Variants in SPAG16 observed in about 807,000 individuals in gnomAD.
SPAG16 encodes sperm-associated antigen 16 protein.
In SPAG16, 86 loss-of-function variants were observed where a neutral mutation model predicts 80.4. That is an observed-to-expected ratio of 1.07 (90% CI 0.90 to 1.28). SPAG16 has a LOEUF of 1.28. SPAG16 is among the 50% of genes most tolerant of loss of function. The pLI is 0.00. For synonymous variants in SPAG16, 294 were observed against 265.9 expected (o/e 1.11, Z -1.03); for missense variants, 870 against 765.3 (o/e 1.14, Z -1.61).
intron 10 of SPAG16, among the ~76,000 whole-genome samples, chr2:213,843,662 C>A (rs1396838010): frequency 6.6e-6 from 1 of 152,082 alleles, no homozygotes; most frequent in Non-Finnish European, 1.5e-5. Context: ...ACTGGCCTTG[C>A]CAACATGGTG....
chr2:214,232,171 A>C (rs904287027), intron 15 of SPAG16, among the ~76,000 whole-genome samples: 2 of 152,000 alleles, frequency 1.3e-5, no homozygotes, highest in East Asian at 3.9e-4. Context: ...ATAGTTAAGG[A>C]AGAAGTTGTA....
At chr2:213,686,463 T>C (rs1353043628) in intron 10 of SPAG16, among the ~76,000 whole-genome samples, 1 of 152,132 alleles carries the variant, frequency 6.6e-6, no homozygotes, top group Non-Finnish European at 1.5e-5. Context: ...TTTTCTTATA[T>C]TGTCATCCCA....
chr2:213,521,535 T>A (rs1468122983), intron 10 of SPAG16, among the ~76,000 whole-genome samples: 1 of 152,170 alleles, frequency 6.6e-6, no homozygotes, highest in East Asian at 1.9e-4. Context: ...TGGTTCATGT[T>A]TTTTCTTGTG....
chr2:213,822,737 C>T (rs1470761071), intron 10 of SPAG16, among the ~76,000 whole-genome samples: 1 of 152,110 alleles, frequency 6.6e-6, no homozygotes, highest in Non-Finnish European at 1.5e-5. Context: ...CAACCCCCAG[C>T]CCCCAACAGG....
At chr2:213,849,278 C>T (rs1559519535) in intron 10 of SPAG16, among the ~76,000 whole-genome samples, 1 of 152,070 alleles carries the variant, frequency 6.6e-6, no homozygotes, top group Non-Finnish European at 1.5e-5. Flanking sequence ...TAACACATCA[C>T]CGTGAGAATG....
chr2:214,355,270 C>T (rs1698699683), intron 15 of SPAG16, among the ~76,000 whole-genome samples: 1 of 137,544 alleles, frequency 7.3e-6, no homozygotes, highest in Non-Finnish European at 1.6e-5. Context: ...GCAACCTACT[C>T]ATCTGACAAA....
intron 15 of SPAG16, among the ~76,000 whole-genome samples, chr2:214,259,336 T>C (rs763711184): frequency 4.2e-4 from 63 of 150,992 alleles, no homozygotes; most frequent in Non-Finnish European, 1.0e-4. Flanking sequence ...AGCCAGATAT[T>C]TGGGCAGAAA....
intron 15 of SPAG16, among the ~76,000 whole-genome samples, chr2:214,249,807 A>T (rs1373979159): frequency 6.6e-6 from 1 of 152,166 alleles, no homozygotes; most frequent in African/African-American, 2.4e-5. Flanking sequence ...CTAAATACAT[A>T]ACATTTTGAG....
intron 15 of SPAG16, among the ~76,000 whole-genome samples, chr2:214,409,909 C>A (rs897859584): frequency 1.3e-5 from 2 of 152,102 alleles, no homozygotes; most frequent in Non-Finnish European, 1.5e-5. Flanking sequence ...AGGAGGTAGA[C>A]CATTAGGCTC....
intron 11 of SPAG16, among the ~76,000 whole-genome samples, chr2:213,924,620 C>G (rs1200626755): frequency 6.6e-6 from 1 of 152,126 alleles, no homozygotes; most frequent in Non-Finnish European, 1.5e-5. Flanking sequence ...TTCCTTTGGC[C>G]TAGGTAACTT....
intron 12 of SPAG16, among the ~76,000 whole-genome samples, chr2:214,013,050 T>C (rs1414557267): frequency 6.6e-6 from 1 of 152,126 alleles, no homozygotes; most frequent in African/African-American, 2.4e-5. Context: ...AACCACTGGG[T>C]TTAAATTCTC....
chr2:214,120,683 C>G (rs1289308867), intron 14 of SPAG16, among the ~76,000 whole-genome samples: 2 of 151,862 alleles, frequency 1.3e-5, no homozygotes, highest in Non-Finnish European at 2.9e-5. Flanking sequence ...TATCCACAGG[C>G]ACCGCTTCTC....
chr2:214,067,733 G>A (rs1244708333), intron 13 of SPAG16, among the ~76,000 whole-genome samples: 1 of 151,868 alleles, frequency 6.6e-6, no homozygotes, highest in Non-Finnish European at 1.5e-5. Context: ...GATGGTCCTT[G>A]CCAGGATTTT....
chr2:214,382,365 C>T (rs1700499818), intron 15 of SPAG16, among the ~76,000 whole-genome samples: 1 of 152,222 alleles, frequency 6.6e-6, no homozygotes, highest in African/African-American at 2.4e-5. Context: ...TAAACTACAA[C>T]ATATTTGTTG....
intron 11 of SPAG16, among the ~76,000 whole-genome samples, chr2:213,898,563 C>A (rs1166529415): frequency 3.3e-5 from 5 of 152,088 alleles, no homozygotes; most frequent in Non-Finnish European, 7.4e-5. Context: ...ATGGTTCTCC[C>A]AGAAAGACCA....
Position 214,279,475 on chromosome 2 carries a change from C to G in SPAG16, c.1720+130209C>G, listed in dbSNP as rs1692732828. On this transcript the variant is annotated intron_variant, in intron 15 of 15. Transcript: ENST00000331683. ...TTCCTGCTTTCAGAGAATTTCTGAG[C>G]CACAACTCGAGAAAGGAGAGCCCAG... Among the ~76,000 whole-genome samples, 3 of 152,070 alleles carry G rather than the reference C, an allele frequency of 2.0e-5. No homozygotes were observed. In the South Asian group the frequency reaches 6.2e-4, roughly 32 times the overall value.
At chr2:213,886,491 A>G (rs1321660987) in intron 11 of SPAG16, among the ~76,000 whole-genome samples, 2 of 152,068 alleles carry the variant, frequency 1.3e-5, no homozygotes, top group African/African-American at 4.8e-5. Flanking sequence ...CTGATCCCCA[A>G]CACTGGCCTT....
intron 15 of SPAG16, among the ~76,000 whole-genome samples, chr2:214,311,015 G>T (rs191530078): frequency 1.7e-3 from 264 of 152,272 alleles, no homozygotes; most frequent in African/African-American, 6.0e-3. Flanking sequence ...GGACACTTAC[G>T]GCAACCTCCA....
chr2:214,399,195 A>G (rs537154936), intron 15 of SPAG16, among the ~76,000 whole-genome samples: 115 of 152,164 alleles, frequency 7.6e-4, no homozygotes, highest in Admixed American at 1.4e-3. Context: ...TACTACATTT[A>G]AACTAATTAA....
Sources: gnomAD v4.1 joint callset for allele counts (sites outside exome capture counted in the v4.1 genomes callset) on GRCh38, gnomAD v4.1.1 for gene constraint, MANE v1.5 for transcripts, NCBI Gene and HGNC (gene_info 2026-07-23, HGNC 2026-07-21) for gene names.